DEFB106B: variants seen among roughly 807,000 people sequenced by gnomAD.
DEFB106B encodes the protein beta-defensin 106.
intron 1 of DEFB106B, among the ~76,000 whole-genome samples, chr8:7,484,132 A>T (rs1178446333): frequency 1.4e-5 from 2 of 139,310 alleles, no homozygotes; most frequent in Non-Finnish European, 3.1e-5. Flanking sequence ...TATATACTAT[A>T]TACTAGAGTA....
intron 1 of DEFB106B, among the ~76,000 whole-genome samples, chr8:7,484,885 AAT>A (rs1473525240): frequency 0.17 from 8,472 of 50,800 alleles, 1,251 homozygotes; most frequent in Non-Finnish European, 0.21. Flanking sequence ...AAAAAAAAAA[AAT>A]ATGTATATAT....
chr8:7,484,887 TA>T (rs1563356698), intron 1 of DEFB106B, among the ~76,000 whole-genome samples: 1 of 17,424 alleles, frequency 5.7e-5, no homozygotes, highest in Non-Finnish European at 1.7e-4. Flanking sequence ...AAAAAAAAAA[TA>T]TGTATATATA....
chr8:7,484,131 T>C (rs527702753), intron 1 of DEFB106B, among the ~76,000 whole-genome samples: 74 of 139,168 alleles, frequency 5.3e-4, no homozygotes, highest in Non-Finnish European at 9.1e-4. Context: ...ATATATACTA[T>C]ATACTAGAGT....
intron 1 of DEFB106B, among the ~76,000 whole-genome samples, chr8:7,484,917 T>A (rs1312565023): frequency 1.0e-5 from 1 of 95,540 alleles, no homozygotes; most frequent in Non-Finnish European, 2.1e-5. Context: ...AAATATATAC[T>A]AGTACAATAC....
intron 1 of DEFB106B, among the ~76,000 whole-genome samples, chr8:7,484,162 A>C (rs1304031914): frequency 1.4e-5 from 2 of 138,102 alleles, no homozygotes; most frequent in Non-Finnish European, 3.1e-5. Context: ...TATATATACT[A>C]TACTATATAT....
intron 1 of DEFB106B, among the ~76,000 whole-genome samples, chr8:7,484,265 TA>T (rs368535453): frequency 0.12 from 8,295 of 71,016 alleles, 658 homozygotes; most frequent in African/African-American, 0.24. Flanking sequence ...TATACTAGTA[TA>T]ATACACTATA....
At chr8:7,484,907 A>AT (rs1811438820) in intron 1 of DEFB106B, among the ~76,000 whole-genome samples, 2 of 94,748 alleles carry the variant, frequency 2.1e-5, no homozygotes, top group East Asian at 2.8e-4. Context: ...TATATATATA[A>AT]AATATATACT....
At chr8:7,484,868 T>C (rs868049438) in intron 1 of DEFB106B, among the ~76,000 whole-genome samples, 1,339 of 42,716 alleles carry the variant, frequency 0.031, 34 homozygotes, top group African/African-American at 0.1. Context: ...TGAGACTCTA[T>C]CTCAAAAAAA....
chr8:7,485,829 T>C (rs1248396273), intron 1 of DEFB106B, among the ~76,000 whole-genome samples: 5 of 94,212 alleles, frequency 5.3e-5, no homozygotes. Context: ...GAGTTTTCCG[T>C]AAAGGCGCTG....
At chr8:7,484,109 T>C in intron 1 of DEFB106B, among the ~76,000 whole-genome samples, 1 of 138,056 alleles carries the variant, frequency 7.2e-6, no homozygotes, top group African/African-American at 2.6e-5. Flanking sequence ...TATACTAGAG[T>C]ATTATACTAG....
intron 1 of DEFB106B, among the ~76,000 whole-genome samples, chr8:7,483,964 A>G (rs1446802745): frequency 7.9e-6 from 1 of 126,368 alleles, no homozygotes; most frequent in Non-Finnish European, 1.6e-5. Flanking sequence ...ATACCAGTGT[A>G]TTATACTAGT....
At chr8:7,484,275 T>C (rs1811397210) in intron 1 of DEFB106B, among the ~76,000 whole-genome samples, 1 of 140,444 alleles carries the variant, frequency 7.1e-6, no homozygotes, top group African/African-American at 2.7e-5. Flanking sequence ...TAATACACTA[T>C]ACTATATGCT....
intron 1 of DEFB106B, among the ~76,000 whole-genome samples, chr8:7,484,171 AT>A (rs1811389991): frequency 2.2e-5 from 3 of 136,512 alleles, no homozygotes; most frequent in Admixed American, 7.7e-5. Flanking sequence ...TATACTATAT[AT>A]TAGTGTATTA....
chr8:7,484,414 A>G (rs1374674635), intron 1 of DEFB106B, among the ~76,000 whole-genome samples: 12 of 104,780 alleles, frequency 1.1e-4, no homozygotes, highest in African/African-American at 4.0e-4. Context: ...ATACTAGTAT[A>G]TACACTATAC....
intron 1 of DEFB106B, among the ~76,000 whole-genome samples, chr8:7,484,550 T>C (rs1811417823): frequency 7.2e-6 from 1 of 138,920 alleles, no homozygotes; most frequent in Non-Finnish European, 1.5e-5. Context: ...TACTAGTATA[T>C]AATACTACTA....
At chr8:7,485,361 C>G (rs1811453484) in intron 1 of DEFB106B, among the ~76,000 whole-genome samples, 1 of 145,572 alleles carries the variant, frequency 6.9e-6, no homozygotes, top group Non-Finnish European at 1.5e-5. Flanking sequence ...TGTTTTGACA[C>G]AGAATCTACT....
At chr8:7,483,768 C>T (rs28548808) in intron 1 of DEFB106B, among the ~76,000 whole-genome samples, 107,920 of 119,560 alleles carry the variant, frequency 0.9, 49,430 homozygotes, top group East Asian at 0.95. Context: ...AATACTATAC[C>T]ATAGACTATA....
At chr8:7,484,272 C>G (rs1383183415) in intron 1 of DEFB106B, among the ~76,000 whole-genome samples, 1 of 136,350 alleles carries the variant, frequency 7.3e-6, no homozygotes, top group Admixed American at 7.5e-5. Context: ...GTATAATACA[C>G]TATACTATAT....
At chr8:7,485,020 C>T (rs1811443245) in intron 1 of DEFB106B, among the ~76,000 whole-genome samples, 1 of 64,248 alleles carries the variant, frequency 1.6e-5, no homozygotes, top group Non-Finnish European at 2.8e-5. Context: ...TAAACTAAAC[C>T]AAAAAGATTT....
Sources: gnomAD v4.1 joint callset for allele counts (sites outside exome capture counted in the v4.1 genomes callset) on GRCh38, gnomAD v4.1.1 for gene constraint, MANE v1.5 for transcripts, NCBI Gene and HGNC (gene_info 2026-07-23, HGNC 2026-07-21) for gene names.